Variants in CACNA2D3 observed in about 807,000 individuals in gnomAD.
The protein encoded by CACNA2D3 is voltage-dependent calcium channel subunit alpha-2/delta-3.
CACNA2D3 carries 60 observed loss-of-function variants against 160.6 expected under a neutral mutation model. The ratio of observed to expected loss-of-function variants is 0.37; its 90% CI spans 0.30 to 0.46. CACNA2D3 has a LOEUF of 0.46. CACNA2D3 is among the 20% of genes least tolerant of loss of function. The probability of loss-of-function intolerance (pLI) is 1.00; values close to 1 mark genes in which losing one functional copy is unlikely to be tolerated. For synonymous variants in CACNA2D3, 558 were observed against 492.9 expected (o/e 1.13, Z -1.75); for missense variants, 1,205 against 1,365.0 (o/e 0.88, Z 1.85).
At chr3:55,040,172 T>C (rs930910575) in intron 35 of CACNA2D3, among the ~76,000 whole-genome samples, 1 of 152,092 alleles carries the variant, frequency 6.6e-6, no homozygotes, top group African/African-American at 2.4e-5. Context: ...TAGGAGAGCA[T>C]GTATTCCACC....
At chr3:54,677,712 C>T (rs570995983) in intron 11 of CACNA2D3, among the ~76,000 whole-genome samples, 48 of 151,694 alleles carry the variant, frequency 3.2e-4, no homozygotes, top group Non-Finnish European at 6.2e-4. Context: ...ACTATCTTTG[C>T]CCCAGTTGAT....
chr3:54,562,306 A>AATTT (rs1363780617), intron 5 of CACNA2D3, among the ~76,000 whole-genome samples: 1 of 152,184 alleles, frequency 6.6e-6, no homozygotes, highest in African/African-American at 2.4e-5. Flanking sequence ...ATGTAATTTC[A>AATTT]ATTTATTTAT....
At chr3:54,931,033 T>C (rs1022957248) in intron 27 of CACNA2D3, among the ~76,000 whole-genome samples, 1 of 151,800 alleles carries the variant, frequency 6.6e-6, no homozygotes, top group African/African-American at 2.4e-5. Flanking sequence ...GAGGCAGAGG[T>C]TGTAGTGAGC....
At chr3:54,901,498 T>C (rs931398007) in intron 27 of CACNA2D3, among the ~76,000 whole-genome samples, 6 of 152,288 alleles carry the variant, frequency 3.9e-5, no homozygotes, top group Middle Eastern at 3.4e-3. Context: ...ACGTGCACTT[T>C]CCAAATGCTA....
chr3:54,268,501 C>T (rs1214784695), intron 2 of CACNA2D3, among the ~76,000 whole-genome samples: 1 of 152,160 alleles, frequency 6.6e-6, no homozygotes, highest in African/African-American at 2.4e-5. Flanking sequence ...CCTCTGCCTC[C>T]TGGGTTCAAG....
chr3:54,492,656 C>A (rs1301083715), intron 4 of CACNA2D3, among the ~76,000 whole-genome samples: 6 of 152,210 alleles, frequency 3.9e-5, no homozygotes, highest in Non-Finnish European at 7.3e-5. Flanking sequence ...GGACGTGCTC[C>A]ATGTGACCCC....
chr3:54,401,546 C>A (rs1266353505), intron 4 of CACNA2D3, among the ~76,000 whole-genome samples: 2 of 152,110 alleles, frequency 1.3e-5, no homozygotes, highest in Admixed American at 6.5e-5. Flanking sequence ...GTTAGAATGT[C>A]AGTGAATTTC....
At chr3:54,316,601 A>C (rs775450937) in intron 2 of CACNA2D3, among the ~76,000 whole-genome samples, 1 of 152,194 alleles carries the variant, frequency 6.6e-6, no homozygotes, top group Non-Finnish European at 1.5e-5. Flanking sequence ...TGGAACCATT[A>C]AACTGCTCAG....
chr3:54,332,168 G>T (rs948228187), intron 3 of CACNA2D3, among the ~76,000 whole-genome samples: 15 of 152,204 alleles, frequency 9.9e-5, no homozygotes, highest in Non-Finnish European at 1.3e-4. Flanking sequence ...GCAGGAACGG[G>T]ACAATAAAGG....
intron 35 of CACNA2D3, among the ~76,000 whole-genome samples, chr3:55,050,331 T>C (rs1000694832): frequency 3.9e-5 from 6 of 152,090 alleles, no homozygotes; most frequent in Non-Finnish European, 7.3e-5. Flanking sequence ...TTTGCTTGTC[T>C]GTAAAGTATT....
At chr3:54,790,805 C>A (rs1171405671) in intron 13 of CACNA2D3, among the ~76,000 whole-genome samples, 1 of 152,158 alleles carries the variant, frequency 6.6e-6, no homozygotes, top group African/African-American at 2.4e-5. Flanking sequence ...CTCCTACAGT[C>A]CACCATCCAG....
intron 5 of CACNA2D3, among the ~76,000 whole-genome samples, chr3:54,557,574 C>T (rs937939244): frequency 1.3e-5 from 2 of 152,176 alleles, no homozygotes; most frequent in Admixed American, 6.5e-5. Flanking sequence ...AATGGAATTT[C>T]GCTTCTTTTT....
At chr3:54,993,532 A>G (rs1371724294) in intron 31 of CACNA2D3, among the ~76,000 whole-genome samples, 2 of 152,226 alleles carry the variant, frequency 1.3e-5, no homozygotes, top group Non-Finnish European at 2.9e-5. Flanking sequence ...AATGAGTTCA[A>G]TATGGAGCCC....
intron 2 of CACNA2D3, among the ~76,000 whole-genome samples, chr3:54,303,530 C>G (rs1337409556): frequency 1.3e-5 from 2 of 152,176 alleles, no homozygotes; most frequent in African/African-American, 4.8e-5. Flanking sequence ...TGCACATATG[C>G]ACTGTGCTAT....
intron 9 of CACNA2D3, among the ~76,000 whole-genome samples, chr3:54,586,408 G>T (rs1702762836): frequency 6.6e-6 from 1 of 152,012 alleles, no homozygotes; most frequent in Non-Finnish European, 1.5e-5. Flanking sequence ...TCAGGGCAAA[G>T]AAAATTACTA....
chr3:54,341,924 G>A (rs1466362550), intron 3 of CACNA2D3, among the ~76,000 whole-genome samples: 1 of 151,994 alleles, frequency 6.6e-6, no homozygotes, highest in African/African-American at 2.4e-5. Flanking sequence ...TTTATTAAGT[G>A]TTTCCAGTGA....
intron 4 of CACNA2D3, among the ~76,000 whole-genome samples, chr3:54,433,612 A>G (rs955905783): frequency 3.3e-5 from 5 of 152,298 alleles, no homozygotes; most frequent in South Asian, 4.1e-4. Context: ...CACATAACAA[A>G]TGAGCGTAGG....
chr3:54,328,876 C>G (rs1037326687), intron 3 of CACNA2D3, among the ~76,000 whole-genome samples: 2 of 152,192 alleles, frequency 1.3e-5, no homozygotes, highest in Non-Finnish European at 1.5e-5. Flanking sequence ...AGCTTCCTGA[C>G]TTTGGGGTGC....
chr3:54,606,171 G>T (rs12639537), intron 9 of CACNA2D3, among the ~76,000 whole-genome samples: 20,941 of 151,856 alleles, frequency 0.14, 1,757 homozygotes, highest in South Asian at 0.31. Context: ...TTTCATTTAT[G>T]AATCACATAA....
Sources: gnomAD v4.1 joint callset for allele counts (sites outside exome capture counted in the v4.1 genomes callset) on GRCh38, gnomAD v4.1.1 for gene constraint, MANE v1.5 for transcripts, NCBI Gene and HGNC (gene_info 2026-07-23, HGNC 2026-07-21) for gene names.